Variants in MANSC1 observed in about 807,000 individuals in gnomAD.
MANSC1 encodes MANSC domain-containing protein 1.
A neutral mutation model predicts 14.1 loss-of-function variants in MANSC1; 13 were observed. The observed-to-expected ratio is 0.92, with a 90% confidence interval of 0.60 to 1.46. MANSC1 has a LOEUF of 1.46. MANSC1 is among the 40% of genes most tolerant of loss of function. MANSC1 has a pLI of 0.00. For synonymous variants in MANSC1, 227 were observed against 200.7 expected (o/e 1.13, Z -1.11); for missense variants, 486 against 511.4 (o/e 0.95, Z 0.48).
chr12:12,337,231 C>T lies in MANSC1; in HGVS notation c.364+1189G>A, dbSNP rs138685502. Among the ~76,000 whole-genome samples, 8 of 151,778 alleles carry T rather than the reference C, an allele frequency of 5.3e-5. No individual in the cohort carries two copies. The East Asian group carries it at 7.7e-4, about 15-fold the overall frequency. ...GGTGGTGGTTGCAGTGAGCTGAGAT[C>T]GCACCACTGCACTCCAGCCTGGGCG... On this transcript the variant is annotated intron_variant, in intron 3 of 3. Transcript: ENST00000535902.
intron 3 of MANSC1, among the ~76,000 whole-genome samples, chr12:12,337,683 C>T (rs778025702): frequency 2.5e-4 from 38 of 152,292 alleles, no homozygotes; most frequent in Non-Finnish European, 4.6e-4. Flanking sequence ...AATTTGTTTT[C>T]ACCTTTTTTA....
intron 2 of MANSC1, 101 bp downstream of exon 2, chr12:12,342,991 C>T (rs79987750): frequency 0.015 from 12,045 of 814,642 alleles, 129 homozygotes; most frequent in Non-Finnish European, 0.02. Flanking sequence ...TATATTCATA[C>T]CCTGTCGAGA....
At chr12:12,341,222 A>G (rs897845997) in intron 2 of MANSC1, among the ~76,000 whole-genome samples, 2 of 152,174 alleles carry the variant, frequency 1.3e-5, no homozygotes, top group African/African-American at 4.8e-5. Flanking sequence ...TGCAAGAACA[A>G]CTAATAGAAC....
chr12:12,344,630 C>T (rs545637167), intron 1 of MANSC1, among the ~76,000 whole-genome samples: 233 of 151,436 alleles, frequency 1.5e-3, no homozygotes, highest in Non-Finnish European at 2.9e-3. Context: ...CCACCACGCC[C>T]GGCTGGTTTT....
intron 1 of MANSC1, among the ~76,000 whole-genome samples, chr12:12,345,037 C>T (rs1197187398): frequency 2.2e-5 from 3 of 138,670 alleles, no homozygotes; most frequent in East Asian, 2.2e-4. Flanking sequence ...TATTATTGGC[C>T]GGGTGCGGTG....
Position 12,330,742 on chromosome 12 carries a change from T to C in MANSC1, c.581A>G (p.Gln194Arg), listed in dbSNP as rs1476451784. The stretch of plus-strand genomic sequence containing the variant: ...GCCTTTTTCCTTATAAGCAAGGAGC[T>C]GGGCACTTGCTTCATCCATCTTAAA... Reference protein sequence around the residue: ...KLFKMDEASAQLLAYKEKGHS... With the variant: ...KLFKMDEASARLLAYKEKGHS... Residue 194 changes from glutamine to arginine, a missense_variant, in exon 4 of 4, where the codon CAG (glutamine) becomes CGG (arginine). By Grantham distance (43) the Gln-to-Arg change is conservative. Transcript: ENST00000535902. 8.7e-6 allele frequency: 14 copies of C among 1,613,988 alleles called. No homozygotes were observed. The highest frequency in any genetic ancestry group is 1.2e-5 in the Non-Finnish European group (14 of 1,179,814).
At chr12:12,338,929 T>G in intron 2 of MANSC1, 1 of 164,166 alleles carries the variant, frequency 6.1e-6, no homozygotes, top group Non-Finnish European at 1.2e-5. Context: ...CCCTAAGACC[T>G]GCATGTCACT....
rs184570016 is a variant in MANSC1, at chr12:12,342,243, A to G, written c.223+849T>C. Among the ~76,000 whole-genome samples, 435 of 152,314 alleles carry G rather than the reference A, an allele frequency of 2.9e-3. 2 individuals are homozygous for G. Among genetic ancestry groups the G allele is most frequent in the African/African-American group, 9.1e-3 (377 of 41,574 alleles). On this transcript the variant is annotated intron_variant, in intron 2 of 3. Coordinates refer to ENST00000535902, the MANE Select transcript of MANSC1 (RefSeq NM_018050.4). ...CAGGAATGATTCACCACACCCGGCC[A>G]TTCACTAGCTTTTCTAGGCAACTTG...
intron 3 of MANSC1, among the ~76,000 whole-genome samples, chr12:12,335,896 C>A (rs1190295441): frequency 1.3e-5 from 2 of 151,642 alleles, no homozygotes; most frequent in Non-Finnish European, 2.9e-5. Flanking sequence ...CACCTAAAAA[C>A]TCCCGGCCGG....
chr12:12,338,385 C>A, intron 3 of MANSC1, 35 bp downstream of exon 3: 2 of 1,524,918 alleles, frequency 1.3e-6, no homozygotes, highest in Non-Finnish European at 1.8e-6. Flanking sequence ...TAAATTATTC[C>A]AATCACAAAA....
intron 1 of MANSC1, among the ~76,000 whole-genome samples, chr12:12,349,689 G>A (rs1268896249): frequency 6.6e-6 from 1 of 152,172 alleles, no homozygotes; most frequent in Non-Finnish European, 1.5e-5. Context: ...GCTTATAACT[G>A]TATACACACA....
intron 3 of MANSC1, among the ~76,000 whole-genome samples, chr12:12,333,231 G>C (rs921037740): frequency 1.3e-5 from 2 of 151,860 alleles, no homozygotes; most frequent in Non-Finnish European, 2.9e-5. Flanking sequence ...ATTTTTTGTA[G>C]AGACAGAATT....
rs1862705599 is a variant in MANSC1 at position 12,326,506 on chromosome 12, G to C, written c.*3521C>G. ...TGCCCACCACAGTCTGGGAGCCAAA[G>C]AGTTCCAAAAGTTCCTCACTCAGGC... On this transcript the variant is annotated 3_prime_UTR_variant, in exon 4 of 4. Coordinates refer to ENST00000535902, the MANE Select transcript of MANSC1 (RefSeq NM_018050.4). The C allele has an allele frequency of 6.6e-6, 1 of 152,226 alleles. No homozygotes were observed. Among genetic ancestry groups the C allele is most frequent in the South Asian group, 2.1e-4 (1 of 4,838 alleles). 9.4% of individuals were successfully genotyped at this position (152,226 alleles called of 1,614,324 possible). A position where few individuals can be genotyped will look rare whatever the true frequency, so the allele number is the denominator to read the frequency against.
In MANSC1 at chr12:12,343,209, C is replaced by T; in HGVS notation, c.106G>A (p.Asp36Asn). The T allele has an allele frequency of 6.2e-7, 1 of 1,614,022 alleles. No homozygotes were observed. Among genetic ancestry groups the T allele is most frequent in the Non-Finnish European group, 8.5e-7 (1 of 1,179,876 alleles). ...GATGACTGGATGTCAATGACAACAT[C>T]TTCTAGACTCTTTTTGAGGCAATTC... ...SQNCLKKSLE[D>N]VVIDIQSSLS... Residue 36 changes from aspartate to asparagine, a missense_variant, in exon 2 of 4, where the codon GAT (aspartate) becomes AAT (asparagine). Physicochemically the swap from Asp to Asn is conservative, Grantham distance 23. Transcript: ENST00000535902.
intron 1 of MANSC1, among the ~76,000 whole-genome samples, chr12:12,347,848 C>A (rs1189106062): frequency 6.6e-6 from 1 of 152,098 alleles, no homozygotes; most frequent in Non-Finnish European, 1.5e-5. Context: ...CACTTGAGGT[C>A]AGGAGTTTGA....
intron 1 of MANSC1, 40 bp from the exon 2 acceptor site, chr12:12,343,454 T>C (rs541423414): frequency 1.7e-6 from 1 of 593,918 alleles, no homozygotes; most frequent in Non-Finnish European, 3.0e-6. Context: ...GTTTTGTTTC[T>C]TTAACAAACA....
chr12:12,335,691 A>C (rs541754889), intron 3 of MANSC1, among the ~76,000 whole-genome samples: 35 of 151,686 alleles, frequency 2.3e-4, no homozygotes, highest in African/African-American at 8.2e-4. Context: ...AAAATACAAA[A>C]ATTAGCCAGG....
intron 1 of MANSC1, among the ~76,000 whole-genome samples, chr12:12,344,877 G>A (rs1413687505): frequency 7.9e-6 from 1 of 126,052 alleles, no homozygotes; most frequent in Non-Finnish European, 1.6e-5. Flanking sequence ...GCCTATTGTG[G>A]GGCCTTGTGA....
At chr12:12,334,802 A>C (rs1210533191) in intron 3 of MANSC1, among the ~76,000 whole-genome samples, 1 of 152,142 alleles carries the variant, frequency 6.6e-6, no homozygotes, top group East Asian at 1.9e-4. Context: ...TCCTAACAAC[A>C]ATTATTTACA....
Sources: gnomAD v4.1 joint callset for allele counts (sites outside exome capture counted in the v4.1 genomes callset) on GRCh38, gnomAD v4.1.1 for gene constraint, MANE v1.5 for transcripts, NCBI Gene and HGNC (gene_info 2026-07-23, HGNC 2026-07-21) for gene names.